OSBPL8: variants seen among roughly 807,000 people sequenced by gnomAD.
OSBPL8 encodes oxysterol-binding protein-related protein 8.
Under a neutral mutation model 125.5 loss-of-function variants are expected in OSBPL8, and 59 were observed. The ratio of observed to expected loss-of-function variants is 0.47; its 90% CI spans 0.38 to 0.58. The LOEUF (loss-of-function observed/expected upper bound fraction) is 0.58, where lower values mean the gene tolerates loss of function less well. Among genes scored for constraint, OSBPL8 ranks in the 20% least tolerant of loss-of-function variants. The probability of loss-of-function intolerance (pLI) is 0.00; values close to 1 mark genes in which losing one functional copy is unlikely to be tolerated. For missense variants in OSBPL8, 758 were observed against 1,047.8 expected (o/e 0.72, Z 3.82); for synonymous variants, 330 against 338.9 (o/e 0.97, Z 0.29).
intron 3 of OSBPL8, among the ~76,000 whole-genome samples, chr12:76,454,957 G>A (rs1280926757): frequency 2.6e-5 from 4 of 152,032 alleles, no homozygotes; most frequent in African/African-American, 7.2e-5. Context: ...AGCAGAGGCC[G>A]GGCGCGGTGG....
chr12:76,358,626 A>G, intron 22 of OSBPL8, 80 bp downstream of exon 22: 1 of 1,230,950 alleles, frequency 8.1e-7, no homozygotes, highest in Non-Finnish European at 1.2e-6. Context: ...ACTTGAGTTA[A>G]TATGAAAAAC....
Position 76,355,581 on chromosome 12 carries a change from T to C in OSBPL8, c.*308A>G. On this transcript the variant is annotated 3_prime_UTR_variant, in exon 24 of 24. Transcript: ENST00000261183. ...ATACTATAGAATACAAAGACTACTG[T>C]CAGGTAGGAGTACATAAGAGACAAT... 1 of 196,976 alleles carries C rather than the reference T, an allele frequency of 5.1e-6. No individual in the cohort carries two copies. The allele number at this position is 196,976 out of a possible 1,614,324, so 12.2% of individuals were successfully genotyped here. A position where few individuals can be genotyped will look rare whatever the true frequency, so the allele number is the denominator to read the frequency against.
intron 14 of OSBPL8, among the ~76,000 whole-genome samples, chr12:76,385,262 T>C (rs1300394774): frequency 2.0e-5 from 3 of 152,142 alleles, no homozygotes; most frequent in Admixed American, 1.3e-4. Flanking sequence ...CTTTTCATTC[T>C]CCTTACACTC....
intron 1 of OSBPL8, among the ~76,000 whole-genome samples, chr12:76,531,696 A>G (rs557081371): frequency 2.0e-4 from 30 of 152,266 alleles, no homozygotes; most frequent in South Asian, 1.9e-3. Context: ...AGGTATAGTA[A>G]TTGTTTAGTT....
chr12:76,531,984 C>A (rs1165811131), intron 1 of OSBPL8, among the ~76,000 whole-genome samples: 2 of 148,198 alleles, frequency 1.3e-5, no homozygotes, highest in East Asian at 3.9e-4. Flanking sequence ...TTGCAGTGAG[C>A]CGAGATCGCG....
At chr12:76,513,929 T>C (rs1881271379) in intron 1 of OSBPL8, among the ~76,000 whole-genome samples, 1 of 152,024 alleles carries the variant, frequency 6.6e-6, no homozygotes, top group Non-Finnish European at 1.5e-5. Context: ...AAGGTTAGTA[T>C]TAATATGTGT....
intron 1 of OSBPL8, among the ~76,000 whole-genome samples, chr12:76,554,329 C>A (rs1951033329): frequency 6.6e-6 from 1 of 152,126 alleles, no homozygotes; most frequent in Admixed American, 6.5e-5. Context: ...TCAGGAAGAT[C>A]ACAAGGTCAA....
chr12:76,375,219 T>A, intron 17 of OSBPL8, 54 bp downstream of exon 17: 1 of 1,209,844 alleles, frequency 8.3e-7, no homozygotes, highest in Non-Finnish European at 1.2e-6. Context: ...TTATTCAATA[T>A]TTATTGTATG....
At chr12:76,403,695 T>C (rs772406584) in intron 5 of OSBPL8, among the ~76,000 whole-genome samples, 2 of 152,190 alleles carry the variant, frequency 1.3e-5, no homozygotes, top group East Asian at 3.9e-4. Flanking sequence ...TTAGCAGTAC[T>C]CCTAAGCAGT....
At chr12:76,365,740 G>A (rs964203703) in intron 21 of OSBPL8, among the ~76,000 whole-genome samples, 11 of 152,124 alleles carry the variant, frequency 7.2e-5, no homozygotes, top group Non-Finnish European at 1.5e-4. Context: ...TTTCATAAAT[G>A]CCCTTAATGA....
rs1480114424 is a variant in OSBPL8, at chr12:76,443,565, G to A, written c.217+7286C>T. Among the ~76,000 whole-genome samples, 10 of 152,258 alleles carry A rather than the reference G, an allele frequency of 6.6e-5. No individual in the cohort carries two copies. The East Asian group carries it at 1.9e-3, about 29-fold the overall frequency. On this transcript the variant is annotated intron_variant, in intron 4 of 23. Coordinates refer to ENST00000261183, the MANE Select transcript of OSBPL8 (RefSeq NM_020841.5). ...GCTCTGTCTCCCAGGCTGGAGTGCA[G>A]TGGCGCGATCTTGGCTCACTGCAAC... is the stretch of plus-strand genomic sequence containing the variant.
intron 1 of OSBPL8, among the ~76,000 whole-genome samples, chr12:76,522,919 C>T (rs1332727142): frequency 6.6e-6 from 1 of 152,270 alleles, no homozygotes; most frequent in Non-Finnish European, 1.5e-5. Context: ...GTGATCTCAG[C>T]TCACTGTGAA....
At chr12:76,535,964 A>AT (rs201516036) in intron 1 of OSBPL8, among the ~76,000 whole-genome samples, 1,606 of 152,320 alleles carry the variant, frequency 0.011, 39 homozygotes, top group African/African-American at 0.037. Context: ...TAGCAGTAAC[A>AT]TGGGTGTATA....
intron 4 of OSBPL8, among the ~76,000 whole-genome samples, chr12:76,426,698 T>C (rs967742706): frequency 6.6e-6 from 1 of 152,148 alleles, no homozygotes; most frequent in Non-Finnish European, 1.5e-5. Context: ...TCAGACTGCA[T>C]GAAACATTTC....
chr12:76,504,038 C>G (rs149223326), intron 1 of OSBPL8, among the ~76,000 whole-genome samples: 152 of 146,712 alleles, frequency 1.0e-3, no homozygotes, highest in African/African-American at 3.2e-3. Flanking sequence ...TTGAGTAAAG[C>G]AGGTTACCCT....
intron 4 of OSBPL8, among the ~76,000 whole-genome samples, chr12:76,425,537 A>G (rs1347211446): frequency 6.6e-6 from 1 of 152,192 alleles, no homozygotes; most frequent in African/African-American, 2.4e-5. Context: ...AGGACATCCA[A>G]TATAAAAGAG....
At chr12:76,445,825 T>C (rs1383467519) in intron 4 of OSBPL8, among the ~76,000 whole-genome samples, 1 of 152,154 alleles carries the variant, frequency 6.6e-6, no homozygotes, top group East Asian at 1.9e-4. Context: ...ACTCACCACA[T>C]GATTCAGCAA....
intron 2 of OSBPL8, among the ~76,000 whole-genome samples, chr12:76,469,279 A>G (rs145124151): frequency 5.3e-5 from 8 of 152,254 alleles, no homozygotes; most frequent in African/African-American, 1.4e-4. Flanking sequence ...GGCCATTCCA[A>G]TGATTCTCCT....
intron 1 of OSBPL8, among the ~76,000 whole-genome samples, chr12:76,523,880 A>C (rs974658330): frequency 6.6e-6 from 1 of 152,244 alleles, no homozygotes; most frequent in Admixed American, 6.5e-5. Context: ...ATAGCAATAT[A>C]ACTCTTCATT....
Sources: gnomAD v4.1 joint callset for allele counts (sites outside exome capture counted in the v4.1 genomes callset) on GRCh38, gnomAD v4.1.1 for gene constraint, MANE v1.5 for transcripts, NCBI Gene and HGNC (gene_info 2026-07-23, HGNC 2026-07-21) for gene names.